Variants in CHD1L observed in about 807,000 individuals in gnomAD.
CHD1L encodes the protein chromodomain helicase DNA binding protein 1 like, also known as ATP-dependent chromatin remodeler CHD1L.
CHD1L carries 118 observed loss-of-function variants against 115.9 expected under a neutral mutation model. That is an observed-to-expected ratio of 1.02 (90% CI 0.88 to 1.19). CHD1L has a LOEUF of 1.19. Ranked by LOEUF, CHD1L falls within the 50% of genes most tolerant of loss-of-function variation. The pLI is 0.00. For missense variants in CHD1L, 1,179 were observed against 1,065.3 expected (o/e 1.11, Z -1.49); for synonymous variants, 411 against 387.1 (o/e 1.06, Z -0.72).
chr1:147,275,613 G>A, intron 13 of CHD1L, 145 bp downstream of exon 13: 1 of 617,076 alleles, frequency 1.6e-6, no homozygotes, highest in African/African-American at 1.8e-5. Flanking sequence ...TTGACTCCTA[G>A]GGTAGTATTG....
At chr1:147,245,257 G>A (rs1234188721) in intron 1 of CHD1L, among the ~76,000 whole-genome samples, 1 of 152,192 alleles carries the variant, frequency 6.6e-6, no homozygotes, top group Non-Finnish European at 1.5e-5. Context: ...CACGTGACTG[G>A]GAGATTTGGA....
the CHD1L span, among the ~76,000 whole-genome samples, chr1:147,182,178 GAC>G: frequency 6.6e-6 from 1 of 152,168 alleles, no homozygotes; most frequent in Admixed American, 6.5e-5. Context: ...TCTGTATAAA[GAC>G]ACATTTTGTA....
Position 147,295,584 on chromosome 1 carries a change from C to G in CHD1L, c.*75C>G. The G allele has an allele frequency of 9.3e-7, 1 of 1,075,566 alleles. No homozygotes were observed. The highest frequency in any genetic ancestry group is 1.4e-5 in the South Asian group (1 of 69,746). The allele number at this position is 1,075,566 out of a possible 1,614,324, so 66.6% of individuals were successfully genotyped here. On this transcript the variant is annotated 3_prime_UTR_variant, in exon 23 of 23. Transcript: ENST00000369258. ...CCAGAGGTACTGCAATAGAGTATTT[C>G]AAAATGGAATCAGGATCTGGTGGGC...
At chr1:147,215,972 C>T in the CHD1L span, 8 of 1,524,648 alleles carry the variant, frequency 5.2e-6, no homozygotes, top group Non-Finnish European at 7.1e-6. Flanking sequence ...TTCATAGCAA[C>T]TTGAGGATCA....
At chr1:147,272,043 C>G in intron 11 of CHD1L, 128 bp from the exon 12 acceptor site, 1 of 607,152 alleles carries the variant, frequency 1.6e-6, no homozygotes, top group Non-Finnish European at 2.9e-6. Context: ...TTGGGATTTG[C>G]TTAAAGTAGG....
At chr1:147,190,250 C>A in the CHD1L span, 1 of 1,592,340 alleles carries the variant, frequency 6.3e-7, no homozygotes, top group East Asian at 2.2e-5. Flanking sequence ...GTCTTTAGAC[C>A]TAAAAACAAA....
chr1:147,286,230 A>G (rs1683078388), intron 17 of CHD1L, 68 bp from the exon 18 acceptor site: 3 of 1,489,996 alleles, frequency 2.0e-6, no homozygotes, highest in Admixed American at 3.6e-5. Flanking sequence ...GAACAGCAGT[A>G]TAAAATGTGC....
chr1:147,174,108 T>C, the CHD1L span, among the ~76,000 whole-genome samples: 5,605 of 152,204 alleles, frequency 0.037, 147 homozygotes, highest in South Asian at 0.095. Flanking sequence ...ACTACTCCCC[T>C]ATTCTTTGCT....
the CHD1L span, among the ~76,000 whole-genome samples, chr1:147,182,131 T>C: frequency 1.3e-5 from 2 of 152,228 alleles, no homozygotes; most frequent in African/African-American, 4.8e-5. Flanking sequence ...TCCTTCTTAA[T>C]AACAGAACCT....
intron 1 of CHD1L, among the ~76,000 whole-genome samples, chr1:147,243,869 G>C (rs1381690247): frequency 6.6e-6 from 1 of 152,226 alleles, no homozygotes; most frequent in Non-Finnish European, 1.5e-5. Flanking sequence ...TACCACGAAA[G>C]AGTAAGGTTT....
chr1:147,265,792 T>C lies in CHD1L; in HGVS notation c.740-140T>C, dbSNP rs587719059. 1.2e-4 allele frequency: 75 copies of C among 650,710 alleles called. 3 individuals carry two copies. In the South Asian group the frequency reaches 2.2e-3, roughly 19 times the overall value. 40.3% of individuals were successfully genotyped at this position (650,710 alleles called of 1,614,324 possible). A position where few individuals can be genotyped will look rare whatever the true frequency, so the allele number is the denominator to read the frequency against. ...GATCCCAATGAAGGAAGAAATACTA[T>C]AAAAAAATGATCATACTGGCCTAGA... On this transcript the variant is annotated intron_variant, in intron 7 of 22. Coordinates refer to ENST00000369258, the MANE Select transcript of CHD1L (RefSeq NM_004284.6).
intron 13 of CHD1L, 62 bp from the exon 14 acceptor site, chr1:147,276,042 C>T: frequency 2.0e-6 from 3 of 1,519,178 alleles, no homozygotes; most frequent in South Asian, 1.2e-5. Context: ...ATTTACCTTG[C>T]ATACTTTTGC....
chr1:147,212,597 G>A, the CHD1L span: 13 of 1,492,896 alleles, frequency 8.7e-6, no homozygotes, highest in South Asian at 1.5e-4. Context: ...CATTTGTCAA[G>A]TCATTTGTTT....
At chr1:147,286,228 G>A in intron 17 of CHD1L, 70 bp from the exon 18 acceptor site, 1 of 1,454,922 alleles carries the variant, frequency 6.9e-7, no homozygotes, top group Non-Finnish European at 9.5e-7. Context: ...GTGAACAGCA[G>A]TATAAAATGT....
chr1:147,232,076 C>A, the CHD1L span, among the ~76,000 whole-genome samples: 1 of 152,172 alleles, frequency 6.6e-6, no homozygotes, highest in African/African-American at 2.4e-5. Flanking sequence ...TTGGCTCCAC[C>A]CCCCAGAGGC....
At chr1:147,219,042 ATT>A in the CHD1L span, among the ~76,000 whole-genome samples, 1 of 152,126 alleles carries the variant, frequency 6.6e-6, no homozygotes, top group Non-Finnish European at 1.5e-5. Flanking sequence ...TTAAATCTCT[ATT>A]ATCAGGACCT....
the CHD1L span, among the ~76,000 whole-genome samples, chr1:147,217,755 T>C: frequency 8.5e-5 from 13 of 152,210 alleles, no homozygotes; most frequent in African/African-American, 2.9e-4. Flanking sequence ...CTGGACTAAA[T>C]CTCTGCCCTA....
chr1:147,263,671 C>G (rs1356958436), intron 6 of CHD1L, among the ~76,000 whole-genome samples: 1 of 151,702 alleles, frequency 6.6e-6, no homozygotes, highest in Non-Finnish European at 1.5e-5. Flanking sequence ...TCTGTGATCT[C>G]CAGAGACACC....
At chr1:147,260,035 A>G (rs1328378977) in intron 6 of CHD1L, 117 bp downstream of exon 6, 3 of 746,296 alleles carry the variant, frequency 4.0e-6, no homozygotes, top group African/African-American at 3.6e-5. Flanking sequence ...GATGTTTCCC[A>G]TGCATATGTC....
Sources: gnomAD v4.1 joint callset for allele counts (sites outside exome capture counted in the v4.1 genomes callset) on GRCh38, gnomAD v4.1.1 for gene constraint, MANE v1.5 for transcripts, NCBI Gene and HGNC (gene_info 2026-07-23, HGNC 2026-07-21) for gene names.